The following PTCH1 variants were observed in gnomAD, a reference collection of about 807,000 sequenced individuals.
The protein encoded by PTCH1 is protein patched homolog 1.
PTCH1 carries 14 observed loss-of-function variants against 144.6 expected under a neutral mutation model. The observed-to-expected ratio is 0.10, with a 90% CI of 0.06 to 0.15. PTCH1 has a LOEUF of 0.15. PTCH1 is among the 10% of genes least tolerant of loss of function. PTCH1 has a pLI of 1.00. For missense variants in PTCH1, 1,623 were observed against 1,948.3 expected, an observed-to-expected ratio of 0.83 and a Z score of 3.14; for synonymous variants, 833 against 793.6, an observed-to-expected ratio of 1.05 and a Z score of -0.83.
At position 95,449,149 on chromosome 9, in the gene PTCH1, C is replaced by T. The variant is rs779417284; in HGVS notation, c.3724G>A (p.Glu1242Lys). The T allele has an allele frequency of 1.7e-5, 28 of 1,613,972 alleles. No individual in the cohort carries two copies. Among genetic ancestry groups the T allele is most frequent in the South Asian group, 3.3e-5 (3 of 91,036 alleles). ...GGGCCTCCCGCGCCCTGCTGGGCCT[C>T]GTAGTGCCGAAGCTCCTCGCTGAGG... The part of the protein sequence containing the change: ...SGLSEELRHY[E>K]AQQGAGGPAH... Residue 1242 changes from glutamate (E) to lysine (K), a missense_variant, in exon 22 of 24, where the codon GAG (glutamate) becomes AAG (lysine). By Grantham distance (56) the Glu-to-Lys change is moderately conservative. Transcript: ENST00000331920. The surrounding 1 kb of genome is among the most constrained non-coding windows in gnomAD (Gnocchi z 5.3).
chr9:95,495,409 C>G (rs1842718877), intron 2 of PTCH1: 1 of 151,520 alleles, frequency 6.6e-6, no homozygotes. Flanking sequence ...TCCTTTCAAA[C>G]AAGAAACCCA....
rs375257965 is a variant in PTCH1, at chr9:95,467,233, T to C, written c.2443A>G (p.Ile815Val). The C allele has an allele frequency of 6.2e-7, 1 of 1,612,152 alleles. No homozygotes were observed. The highest frequency in any genetic ancestry group is 1.3e-5 in the African/African-American group (1 of 74,198). The change falls in exon 15 of 24, where the codon ATC becomes GTC. Residue 815 changes from isoleucine (I) to valine (V), a missense_variant. Ile to Val is a conservative substitution (Grantham distance 29). Around this residue, in one of 7 missense-constraint regions of PTCH1, gnomAD observed 504 missense variants for 679.3 expected, o/e 0.74. Coordinates refer to ENST00000331920, the MANE Select transcript of PTCH1 (RefSeq NM_000264.5). ...TGTAGGTCGTAAAGTAAGTGCTGGATATTCGGGTAGTCTGCTTTCTGGGTG... is the reference window on the plus strand; with the variant it reads ...TGTAGGTCGTAAAGTAAGTGCTGGACATTCGGGTAGTCTGCTTTCTGGGTG... Reference protein sequence around the residue: ...IVTQKADYPNIQHLLYDLHRS... With the variant: ...IVTQKADYPNVQHLLYDLHRS...
At chr9:95,467,026 A>C (rs1840061453) in intron 15 of PTCH1, 90 bp downstream of exon 15, 1 of 1,402,708 alleles carries the variant, frequency 7.1e-7, no homozygotes, top group Non-Finnish European at 1.0e-6. Flanking sequence ...TTACATTCTA[A>C]TCTAACGCTC....
chr9:95,456,132 A>AGG (rs927264569), intron 19 of PTCH1, 144 bp downstream of exon 19: 1 of 1,181,420 alleles, frequency 8.5e-7, no homozygotes, highest in African/African-American at 1.5e-5. Context: ...GAAATCTTGC[A>AGG]GGCTCTCCTA....
In PTCH1 at chr9:95,479,147, G is replaced by A. The variant is rs1051875027; in HGVS notation, c.1068C>T (p.Ser356=). The change falls in exon 8 of 24, where the codon AGC becomes AGT. Residue 356 remains serine (S), a splice_region_variant and synonymous_variant. Transcript: ENST00000331920. ...TVKNSTGKLV[S]AHALQTMFQL... The stretch of plus-strand genomic sequence containing the variant: ...GGAACATGGTCTGCAGGGCATGGGC[G>A]CTGCAGCACAGTCCAAGGGAAGGCA... 8.7e-6 allele frequency: 14 copies of A among 1,613,886 alleles called. No homozygotes were observed. Among genetic ancestry groups the A allele is most frequent in the East Asian group, 2.2e-5 (1 of 44,872 alleles).
At chr9:95,481,063 T>TG (rs1347437655) in intron 5 of PTCH1, among the ~76,000 whole-genome samples, 1 of 152,214 alleles carries the variant, frequency 6.6e-6, no homozygotes, top group Non-Finnish European at 1.5e-5. Context: ...GGCAATGGAA[T>TG]GGGCAAGCCC....
In PTCH1 at chr9:95,443,919, T is replaced by C. The variant is rs186604462; in HGVS notation, c.*2474A>G. ...CCATGAGTCCTTAATGTAAATGTTATATACTCTGAACTATTTAACATTAGT... is the reference window on the plus strand; with the variant it reads ...CCATGAGTCCTTAATGTAAATGTTACATACTCTGAACTATTTAACATTAGT... On this transcript the variant is annotated 3_prime_UTR_variant, in exon 24 of 24. Coordinates refer to ENST00000331920, the MANE Select transcript of PTCH1 (RefSeq NM_000264.5). 4.6e-5 allele frequency: 7 copies of C among 152,746 alleles called. No individual in the cohort carries two copies. In the East Asian group the frequency reaches 1.2e-3, roughly 25 times the overall value. The allele number at this position is 152,746 out of a possible 1,614,324, so 9.5% of individuals were successfully genotyped here.
chr9:95,446,528 G>C (rs1837905878), intron 23 of PTCH1, 137 bp from the exon 24 acceptor site: 1 of 453,724 alleles, frequency 2.2e-6, no homozygotes. Context: ...GGTGTCCCTG[G>C]GGGCTGCTTG....
At chr9:95,507,420 T>C (rs1843770566) in intron 1 of PTCH1, 1 of 985,318 alleles carries the variant, frequency 1.0e-6, no homozygotes. Context: ...TCGCCTTCCC[T>C]GGATTCCACA....
At position 95,500,575 on chromosome 9, in the gene PTCH1, C is replaced by T. The variant is rs374337775; in HGVS notation, c.394+5832G>A. ...AACCCCAGAGAAAAGAAACCAGGTG[C>T]TCACTGTGGAAGGGCAGTGACAGCA... is the stretch of plus-strand genomic sequence containing the variant. On this transcript the variant is annotated intron_variant, in intron 2 of 23. Transcript: ENST00000331920. Among the ~76,000 whole-genome samples the T allele has an allele frequency of 2.0e-4, 30 of 152,284 alleles. 1 individual carries two copies. The East Asian group carries it at 5.6e-3, about 28-fold the overall frequency.
upstream of PTCH1, among the ~76,000 whole-genome samples, chr9:95,510,436 G>A (rs1844088452): frequency 1.3e-5 from 2 of 152,208 alleles, no homozygotes; most frequent in South Asian, 4.1e-4. Context: ...TTCCCGCGGA[G>A]GGGGAAAACA....
chr9:95,516,037 C>T (rs1844347826), intron 1 of PTCH1, among the ~76,000 whole-genome samples: 1 of 152,074 alleles, frequency 6.6e-6, no homozygotes, highest in Non-Finnish European at 1.5e-5. Flanking sequence ...CCTTCCATCA[C>T]CAGCTCTGCC....
intron 2 of PTCH1, among the ~76,000 whole-genome samples, chr9:95,493,883 CTT>C (rs1361054103): frequency 6.6e-6 from 1 of 152,128 alleles, no homozygotes; most frequent in African/African-American, 2.4e-5. Flanking sequence ...CCACCCATCT[CTT>C]TTATTCAGGA....
Position 95,508,934 on chromosome 9 carries a change from G to GGGCAGCCGC in PTCH1, c.-582_-574dup, listed in dbSNP as rs1166544136. 2.7e-5 allele frequency among the ~76,000 whole-genome samples: 4 copies of GGGCAGCCGC among 150,730 alleles called. No individual in the cohort carries two copies. Among genetic ancestry groups the GGGCAGCCGC allele is most frequent in the Non-Finnish European group, 5.9e-5 (4 of 67,566 alleles). On this transcript the variant is annotated 5_prime_UTR_variant, in exon 1 of 24. Transcript: ENST00000331920. ...GGCGGGTCTCAGCGCTGCCGGGCCC[G>GGGCAGCCGC]GGCAGCCGCAGCTGCCGCTGCTCCC...
chr9:95,491,405 G>GATGA (rs1842399835), intron 2 of PTCH1, among the ~76,000 whole-genome samples: 1 of 152,188 alleles, frequency 6.6e-6, no homozygotes, highest in South Asian at 2.1e-4. Context: ...CAAATGCTGT[G>GATGA]ATGAACCTCA....
At position 95,506,612 on chromosome 9, in the gene PTCH1, C is replaced by A. The variant is rs1843669805; in HGVS notation, c.202-13G>T. On this transcript the variant is annotated splice_polypyrimidine_tract_variant and intron_variant, in intron 1 of 23. Coordinates refer to ENST00000331920, the MANE Select transcript of PTCH1 (RefSeq NM_000264.5). ...CAGTAGCCTTCCCCTGGGGACGAAGCAGAAGGGAGGAGTGAGCGCCGGGGA... is the reference window on the plus strand; with the variant it reads ...CAGTAGCCTTCCCCTGGGGACGAAGAAGAAGGGAGGAGTGAGCGCCGGGGA... The A allele has an allele frequency of 1.9e-6, 3 of 1,604,602 alleles. No individual in the cohort carries two copies. The highest frequency in any genetic ancestry group is 2.6e-6 in the Non-Finnish European group (3 of 1,175,486).
chr9:95,516,885 G>A (rs1844392283), exon 1 of PTCH1: 13 of 1,404,432 alleles, frequency 9.3e-6, no homozygotes, highest in Non-Finnish European at 1.1e-5. Flanking sequence ...TGACGGATCC[G>A]AAAACTTTAC....
chr9:95,502,860 A>C (rs1358158554), intron 2 of PTCH1, among the ~76,000 whole-genome samples: 1 of 152,228 alleles, frequency 6.6e-6, no homozygotes, highest in Non-Finnish European at 1.5e-5. Flanking sequence ...AAAGCATGAA[A>C]GTCAATTTGA....
intron 3 of PTCH1, chr9:95,482,768 T>C (rs1841651896): frequency 5.9e-6 from 1 of 169,750 alleles, no homozygotes; most frequent in Non-Finnish European, 1.3e-5. Context: ...TGAATAAATA[T>C]ACAGATCAAG....
Sources: allele counts gnomAD v4.1 joint callset (sites outside exome capture counted in the v4.1 genomes callset), GRCh38; gene constraint gnomAD v4.1.1; regional missense constraint gnomAD v4.1.1; non-coding constraint Gnocchi (gnomAD v3.1); transcripts MANE v1.5; gene names NCBI Gene and HGNC (gene_info 2026-07-23, HGNC 2026-07-21).